Variants in LGSN observed in about 807,000 individuals in gnomAD.
The protein encoded by LGSN is lengsin, lens protein with glutamine synthetase domain, also known as lengsin.
A neutral mutation model predicts 19.5 loss-of-function variants in LGSN; 21 were observed. That is an observed-to-expected ratio of 1.07 (90% CI 0.76 to 1.55). The LOEUF is 1.55. Among genes scored for constraint, LGSN ranks in the 40% most tolerant of loss-of-function variants. The pLI is 0.00. For synonymous variants in LGSN, 257 were observed against 215.6 expected, an observed-to-expected ratio of 1.19 and a Z score of -1.68; for missense variants, 673 against 608.5, an observed-to-expected ratio of 1.11 and a Z score of -1.12.
rs565321524 is a variant in LGSN, at chr6:63,304,252, C to A, written c.31-9207G>T. Among the ~76,000 whole-genome samples the A allele has an allele frequency of 2.8e-3, 422 of 152,218 alleles. 4 individuals are homozygous for A. The highest frequency in any genetic ancestry group is 9.6e-3 in the African/African-American group (399 of 41,546). ...CATCCTAGGTTAAATAAAACATTGC[C>A]AAGAGGCCTTCACCTTTCTAGATGG... On this transcript the variant is annotated intron_variant, in intron 1 of 3. Coordinates refer to ENST00000370657, the MANE Select transcript of LGSN (RefSeq NM_016571.3).
chr6:63,556,913 T>C, the LGSN span, among the ~76,000 whole-genome samples: 1 of 152,220 alleles, frequency 6.6e-6, no homozygotes, highest in African/African-American at 2.4e-5. Context: ...CTTGATTTCA[T>C]CCTCTAATCT....
At chr6:63,484,486 T>C in the LGSN span, among the ~76,000 whole-genome samples, 1 of 151,828 alleles carries the variant, frequency 6.6e-6, no homozygotes, top group Non-Finnish European at 1.5e-5. Flanking sequence ...ATAGCGCCAC[T>C]ACACTCCAGC....
the LGSN span, among the ~76,000 whole-genome samples, chr6:63,370,602 G>T: frequency 6.6e-6 from 1 of 152,210 alleles, no homozygotes; most frequent in East Asian, 1.9e-4. Context: ...TCCTGCCTAC[G>T]CATCTATCCA....
the LGSN span, among the ~76,000 whole-genome samples, chr6:63,340,937 C>T: frequency 2.6e-5 from 4 of 151,578 alleles, no homozygotes; most frequent in Admixed American, 2.0e-4. Context: ...GTTTTTATAG[C>T]GAAAGACTTT....
the LGSN span, among the ~76,000 whole-genome samples, chr6:63,560,000 G>A: frequency 1.3e-5 from 2 of 152,066 alleles, no homozygotes; most frequent in Non-Finnish European, 2.9e-5. Context: ...GGAAGATCAC[G>A]GAATGGCCTC....
At chr6:63,444,486 A>C in the LGSN span, among the ~76,000 whole-genome samples, 13 of 152,334 alleles carry the variant, frequency 8.5e-5, no homozygotes, top group East Asian at 1.3e-3. Flanking sequence ...TAAGGAATAG[A>C]GATGTATTCT....
At chr6:63,351,446 A>C in the LGSN span, among the ~76,000 whole-genome samples, 1 of 151,846 alleles carries the variant, frequency 6.6e-6, no homozygotes, top group Non-Finnish European at 1.5e-5. Context: ...AGAGAGAGAG[A>C]GAGAGAGACA....
chr6:63,405,267 C>T, the LGSN span, among the ~76,000 whole-genome samples: 152 of 151,996 alleles, frequency 1.0e-3, 1 homozygote, highest in South Asian at 4.2e-4. Context: ...AATAAACATA[C>T]GTGTGCATGT....
chr6:63,457,922 ATT>A, the LGSN span, among the ~76,000 whole-genome samples: 3 of 152,276 alleles, frequency 2.0e-5, no homozygotes, highest in South Asian at 4.1e-4. Context: ...TTCAAATCAG[ATT>A]TAACTAATAC....
At chr6:63,475,947 C>A in the LGSN span, among the ~76,000 whole-genome samples, 1 of 152,136 alleles carries the variant, frequency 6.6e-6, no homozygotes, top group East Asian at 1.9e-4. Context: ...GGCAGGGTGT[C>A]TAGTAGCAAA....
At chr6:63,378,047 A>G in the LGSN span, among the ~76,000 whole-genome samples, 1 of 151,360 alleles carries the variant, frequency 6.6e-6, no homozygotes, top group African/African-American at 2.4e-5. Flanking sequence ...AAAAAAAAAA[A>G]AAAAGAAAAA....
At chr6:63,462,945 A>G in the LGSN span, among the ~76,000 whole-genome samples, 2 of 152,224 alleles carry the variant, frequency 1.3e-5, no homozygotes, top group Non-Finnish European at 2.9e-5. Context: ...TATTGATTTC[A>G]TGGATATTTT....
the LGSN span, among the ~76,000 whole-genome samples, chr6:63,340,094 C>G: frequency 1.3e-5 from 2 of 151,996 alleles, no homozygotes; most frequent in Admixed American, 6.6e-5. Flanking sequence ...AATATATCAA[C>G]TCATTTCCTC....
chr6:63,328,327 G>A, the LGSN span, among the ~76,000 whole-genome samples: 4 of 152,210 alleles, frequency 2.6e-5, no homozygotes, highest in Admixed American at 2.0e-4. Context: ...AGTCATGCTC[G>A]ATTGGTTCCC....
the LGSN span, among the ~76,000 whole-genome samples, chr6:63,361,533 G>A: frequency 2.6e-5 from 4 of 152,104 alleles, no homozygotes; most frequent in African/African-American, 4.8e-5. Context: ...GAAGTGACCC[G>A]ATTTTCCAGG....
Position 63,319,951 on chromosome 6 carries a change from CTT to C in LGSN, c.-10_-9del. ...GTCCTCTTCATTATTCATCTCAACA[CTT>C]TTTAAGTTCAGCGTTAGAAACCACA... On this transcript the variant is annotated 5_prime_UTR_variant, in exon 1 of 4. Transcript: ENST00000370657. 1.9e-6 allele frequency: 3 copies of C among 1,606,972 alleles called. No homozygotes were observed. Among genetic ancestry groups the C allele is most frequent in the Non-Finnish European group, 2.6e-6 (3 of 1,173,706 alleles).
At chr6:63,312,414 G>A (rs886494439) in intron 1 of LGSN, among the ~76,000 whole-genome samples, 2 of 152,072 alleles carry the variant, frequency 1.3e-5, no homozygotes, top group Non-Finnish European at 2.9e-5. Context: ...TAAACTTTCT[G>A]TCCCTTCAAA....
intron 1 of LGSN, among the ~76,000 whole-genome samples, chr6:63,306,603 G>T (rs1019533670): frequency 2.0e-5 from 3 of 152,142 alleles, no homozygotes; most frequent in Non-Finnish European, 2.9e-5. Context: ...CAATCTAGTA[G>T]AGGCAATAAA....
chr6:63,412,541 A>AGAAG, the LGSN span, among the ~76,000 whole-genome samples: 17 of 129,394 alleles, frequency 1.3e-4, no homozygotes, highest in East Asian at 4.5e-4. Flanking sequence ...AAAGAAAGAA[A>AGAAG]GAAAGAAAGA....
Sources: gnomAD v4.1 joint callset for allele counts (sites outside exome capture counted in the v4.1 genomes callset) on GRCh38, gnomAD v4.1.1 for gene constraint, MANE v1.5 for transcripts, NCBI Gene and HGNC (gene_info 2026-07-23, HGNC 2026-07-21) for gene names.